The following ANXA1 variants were observed in gnomAD, a reference collection of about 807,000 sequenced individuals.
ANXA1 encodes annexin I (lipocortin I).
In ANXA1, 39 loss-of-function variants were observed where a neutral mutation model predicts 47.9. That is an observed-to-expected ratio of 0.81 (90% CI 0.63 to 1.06). The LOEUF (loss-of-function observed/expected upper bound fraction) is 1.06, where lower values mean the gene tolerates loss of function less well. ANXA1 is among the 50% of genes least tolerant of loss of function. The pLI, the probability that ANXA1 is intolerant of heterozygous loss-of-function variation, is 0.00. For synonymous variants in ANXA1, 146 were observed against 142.5 expected (o/e 1.02, Z -0.17); for missense variants, 446 against 422.7 (o/e 1.06, Z -0.48).
At chr9:73,162,714 A>G (rs1483993480) in intron 6 of ANXA1, 68 bp from the exon 7 acceptor site, 32 of 1,211,992 alleles carry the variant, frequency 2.6e-5, no homozygotes, top group Non-Finnish European at 3.8e-5. Context: ...ACCAACTTAG[A>G]GATGTCAGAT....
rs1457720480 is a variant in ANXA1, at chr9:73,169,146, G to A, written c.976G>A (p.Ala326Thr). 6.2e-6 allele frequency: 10 copies of A among 1,609,466 alleles called. No homozygotes were observed. Among genetic ancestry groups the A allele is most frequent in the Non-Finnish European group, 8.5e-6 (10 of 1,177,920 alleles). ...GATGTATGGTATCTCCCTTTGCCAAGCCATCCTGGTATGTTTTGATTCCTC... is the reference window on the plus strand; with the variant it reads ...GATGTATGGTATCTCCCTTTGCCAAACCATCCTGGTATGTTTTGATTCCTC... ...QKMYGISLCQ[A>T]ILDETKGDYE... Residue 326 changes from alanine (A) to threonine (T), a missense_variant, in exon 12 of 13, where the codon GCC becomes ACC. Ala to Thr is a moderately conservative substitution (Grantham distance 58). Transcript: ENST00000257497.
Position 73,170,099 on chromosome 9 carries a change from G to A in ANXA1, c.1033G>A (p.Gly345Arg). 1 of 1,604,664 alleles carries A rather than the reference G, an allele frequency of 6.2e-7. No individual in the cohort carries two copies. Among genetic ancestry groups the A allele is most frequent in the Non-Finnish European group, 8.5e-7 (1 of 1,174,652 alleles). ...GAAAATCCTGGTGGCTCTTTGTGGA[G>A]GAAACTAAACATTCCCTTGATGGTC... Reference protein sequence around the residue: ...YEKILVALCGGN With the variant: ...YEKILVALCGRN Residue 345 changes from glycine to arginine, a missense_variant, in exon 13 of 13, where the codon GGA (glycine) becomes AGA (arginine). Transcript: ENST00000257497.
rs758910600 is a variant in ANXA1 at position 73,166,139 on chromosome 9, A to G, written c.749A>G (p.Lys250Arg). 1 of 1,612,638 alleles carries G rather than the reference A, an allele frequency of 6.2e-7. No individual in the cohort carries two copies. Among genetic ancestry groups the G allele is most frequent in the African/African-American group, 1.3e-5 (1 of 74,988 alleles). Residue 250 changes from lysine to arginine, a missense_variant, in exon 10 of 13, where the codon AAA (lysine) becomes AGA (arginine). By Grantham distance (26) the Lys-to-Arg change is conservative. Coordinates refer to ENST00000257497, the MANE Select transcript of ANXA1 (RefSeq NM_000700.3). ...AAGTACAGTAAGCATGACATGAACAAAGTTCTGGACCTGGAGTTGAAAGGT... is the reference window on the plus strand; with the variant it reads ...AAGTACAGTAAGCATGACATGAACAGAGTTCTGGACCTGGAGTTGAAAGGT... ...YTKYSKHDMN[K>R]VLDLELKGDI...
chr9:73,164,676 G>T (rs1029339402), intron 8 of ANXA1, among the ~76,000 whole-genome samples: 4 of 152,114 alleles, frequency 2.6e-5, no homozygotes, highest in South Asian at 2.1e-4. Flanking sequence ...ATGCAGCTTT[G>T]AAATTGCAGA....
Position 73,167,541 on chromosome 9 carries a change from C to T in ANXA1, c.847C>T (p.His283Tyr), listed in dbSNP as rs1411798145. 6.2e-7 allele frequency: 1 copy of T among 1,613,370 alleles called. No individual in the cohort carries two copies. Among genetic ancestry groups the T allele is most frequent in the Admixed American group, 1.7e-5 (1 of 59,980 alleles). ...ACCAGCTTTCTTTGCAGAGAAGCTT[C>T]ATCAAGCCATGAAAGTATGTACCAT... Reference protein sequence around the residue: ...SKPAFFAEKLHQAMKGVGTRH... With the variant: ...SKPAFFAEKLYQAMKGVGTRH... Residue 283 changes from histidine (H) to tyrosine (Y), a missense_variant, in exon 11 of 13, where the codon CAT becomes TAT. Coordinates refer to ENST00000257497, the MANE Select transcript of ANXA1 (RefSeq NM_000700.3).
intron 8 of ANXA1, among the ~76,000 whole-genome samples, chr9:73,164,371 T>C (rs1340809398): frequency 6.6e-6 from 1 of 152,192 alleles, no homozygotes; most frequent in Non-Finnish European, 1.5e-5. Flanking sequence ...ATCATTTTAA[T>C]AGAAATTGTT....
chr9:73,161,017 T>C (rs1014606375), intron 6 of ANXA1, 124 bp downstream of exon 6: 5 of 660,042 alleles, frequency 7.6e-6, no homozygotes, highest in African/African-American at 7.4e-5. Flanking sequence ...AAAATGTTTC[T>C]TTATTGTTTG....
At chr9:73,168,827 C>T (rs1342033019) in intron 11 of ANXA1, 4 of 426,536 alleles carry the variant, frequency 9.4e-6, no homozygotes, top group Admixed American at 8.4e-5. Flanking sequence ...GCTCTCTATA[C>T]CTACCGCTAA....
intron 10 of ANXA1, 122 bp from the exon 11 acceptor site, chr9:73,167,375 G>A: frequency 2.5e-6 from 2 of 794,376 alleles, no homozygotes; most frequent in South Asian, 1.7e-5. Flanking sequence ...GAGATGAGAG[G>A]TGAAGAATGA....
At chr9:73,159,478 A>G (rs1020609364) in intron 4 of ANXA1, 55 bp downstream of exon 4, 9 of 1,492,114 alleles carry the variant, frequency 6.0e-6, no homozygotes, top group Non-Finnish European at 8.4e-6. Context: ...ATACTTAACC[A>G]TGGATTCGGA....
intron 3 of ANXA1, 26 bp from the exon 4 acceptor site, chr9:73,159,303 A>C: frequency 3.1e-6 from 5 of 1,588,954 alleles, no homozygotes; most frequent in Non-Finnish European, 4.3e-6. Flanking sequence ...AATTGGTGTT[A>C]AAGGCTGTTG....
chr9:73,165,313 C>A, intron 9 of ANXA1, 104 bp downstream of exon 9: 2 of 830,398 alleles, frequency 2.4e-6, no homozygotes, highest in Non-Finnish European at 3.9e-6. Context: ...TTCAATATCA[C>A]TCCTGTATCA....
intron 1 of ANXA1, among the ~76,000 whole-genome samples, chr9:73,155,518 A>G (rs767058092): frequency 1.3e-5 from 2 of 152,212 alleles, no homozygotes; most frequent in Non-Finnish European, 2.9e-5. Context: ...TGTTAGTTGT[A>G]TTATAATTAT....
At chr9:73,168,274 G>A (rs976327603) in intron 11 of ANXA1, 1 of 152,194 alleles carries the variant, frequency 6.6e-6, no homozygotes, top group African/African-American at 2.4e-5. Flanking sequence ...GTACTGCTCT[G>A]TAGTGGTTAG....
At chr9:73,164,890 T>C (rs1287086755) in intron 8 of ANXA1, among the ~76,000 whole-genome samples, 3 of 152,150 alleles carry the variant, frequency 2.0e-5, no homozygotes, top group Admixed American at 6.6e-5. Context: ...TGCAAACATA[T>C]ATTCAGACTC....
At chr9:73,162,741 A>G in intron 6 of ANXA1, 41 bp from the exon 7 acceptor site, 1 of 1,456,158 alleles carries the variant, frequency 6.9e-7, no homozygotes, top group Non-Finnish European at 9.5e-7. Flanking sequence ...ATTATTATTC[A>G]TCACTGGTTT....
intron 1 of ANXA1, chr9:73,154,406 T>A: frequency 1.6e-6 from 2 of 1,259,942 alleles, no homozygotes; most frequent in Non-Finnish European, 2.1e-6. Flanking sequence ...CCTCCCTCCC[T>A]TCTCTTTCTT....
In ANXA1 at chr9:73,162,767, T is replaced by A. The variant is rs375192292; in HGVS notation, c.476-15T>A. The A allele has an allele frequency of 6.3e-7, 1 of 1,594,970 alleles. No individual in the cohort carries two copies. Among genetic ancestry groups the A allele is most frequent in the East Asian group, 2.2e-5 (1 of 44,680 alleles). On this transcript the variant is annotated splice_polypyrimidine_tract_variant and intron_variant, in intron 6 of 12. Transcript: ENST00000257497. ...TCACTGGTTTACTATAAAATCTATT[T>A]TTCTTTTTTCTCAGAACTGAAGAGA...
At position 73,162,874 on chromosome 9, in the gene ANXA1, T is replaced by A. The variant is rs368702201; in HGVS notation, c.555+13T>A. 30 of 1,599,668 alleles carry A rather than the reference T, an allele frequency of 1.9e-5. No homozygotes were observed. The highest frequency in any genetic ancestry group is 4.5e-5 in the East Asian group (2 of 44,744). On this transcript the variant is annotated intron_variant, in intron 7 of 12. Coordinates refer to ENST00000257497, the MANE Select transcript of ANXA1 (RefSeq NM_000700.3). ...TTCTCTTGCTAAGGTACAACTCAGA[T>A]ACTTTAGGAAATGCCTCTTGTTTTA...
Sources: gnomAD v4.1 joint callset for allele counts (sites outside exome capture counted in the v4.1 genomes callset) on GRCh38, gnomAD v4.1.1 for gene constraint, MANE v1.5 for transcripts, NCBI Gene and HGNC (gene_info 2026-07-23, HGNC 2026-07-21) for gene names.